Variants in CACNA2D3 observed in about 807,000 individuals in gnomAD.
CACNA2D3 encodes the protein voltage-dependent calcium channel subunit alpha-2/delta-3.
CACNA2D3 carries 60 observed loss-of-function variants against 160.6 expected under a neutral mutation model. The ratio of observed to expected loss-of-function variants is 0.37; its 90% confidence interval spans 0.30 to 0.46. The LOEUF (loss-of-function observed/expected upper bound fraction) is 0.46, where lower values mean the gene tolerates loss of function less well. CACNA2D3 is among the 20% of genes least tolerant of loss of function. The pLI is 1.00. For synonymous variants in CACNA2D3, 558 were observed against 492.9 expected (o/e 1.13, Z -1.75); for missense variants, 1,205 against 1,365.0 (o/e 0.88, Z 1.85).
intron 11 of CACNA2D3, among the ~76,000 whole-genome samples, chr3:54,675,016 A>AG (rs1700216039): frequency 1.3e-5 from 2 of 152,198 alleles, no homozygotes; most frequent in South Asian, 4.1e-4. Flanking sequence ...ATGAGTGATT[A>AG]GGCAGTCAGG....
intron 27 of CACNA2D3, among the ~76,000 whole-genome samples, chr3:54,920,641 C>CT (rs1168714003): frequency 1.3e-5 from 2 of 152,122 alleles, no homozygotes; most frequent in Non-Finnish European, 2.9e-5. Context: ...ATAGGAGCCT[C>CT]TGCCAGGAAG....
At chr3:54,790,609 T>G (rs2106645500) in intron 13 of CACNA2D3, among the ~76,000 whole-genome samples, 1 of 152,302 alleles carries the variant, frequency 6.6e-6, no homozygotes, top group South Asian at 2.1e-4. Flanking sequence ...GATGCCTGAT[T>G]ATGCCATTCA....
intron 33 of CACNA2D3, among the ~76,000 whole-genome samples, chr3:55,008,250 G>C (rs187674598): frequency 1.2e-3 from 176 of 152,298 alleles, no homozygotes; most frequent in African/African-American, 4.0e-3. Context: ...GAGATTGTCA[G>C]CTAGGGCTGG....
Position 54,392,840 on chromosome 3 carries a change from G to C in CACNA2D3, c.381+6066G>C, listed in dbSNP as rs567436982. 3.3e-5 allele frequency among the ~76,000 whole-genome samples: 5 copies of C among 152,294 alleles called. No individual in the cohort carries two copies. In the South Asian group the frequency reaches 1.0e-3, roughly 32 times the overall value. On this transcript the variant is annotated intron_variant, in intron 4 of 37. Transcript: ENST00000474759. ...GGCAGCTCAGGAGCCCCAGCACTCA[G>C]TGTAGAACTTCTTTCACCATCCACT...
intron 4 of CACNA2D3, among the ~76,000 whole-genome samples, chr3:54,449,361 C>G (rs1003217041): frequency 5.3e-5 from 8 of 152,182 alleles, no homozygotes; most frequent in African/African-American, 1.9e-4. Flanking sequence ...CAAGTTTACT[C>G]CATTTAAGAA....
At chr3:54,435,878 A>G (rs531916242) in intron 4 of CACNA2D3, among the ~76,000 whole-genome samples, 2 of 152,218 alleles carry the variant, frequency 1.3e-5, no homozygotes, top group African/African-American at 4.8e-5. Context: ...AGCCAAAAAC[A>G]GAAGTAATTT....
chr3:55,015,567 A>G (rs1310971532), intron 34 of CACNA2D3, among the ~76,000 whole-genome samples: 1 of 152,196 alleles, frequency 6.6e-6, no homozygotes, highest in Non-Finnish European at 1.5e-5. Flanking sequence ...TTAAATCTTT[A>G]TTTCATGTCA....
chr3:54,650,285 G>A (rs1426558269), intron 11 of CACNA2D3, among the ~76,000 whole-genome samples: 1 of 151,906 alleles, frequency 6.6e-6, no homozygotes, highest in African/African-American at 2.4e-5. Flanking sequence ...TGCAACCTCC[G>A]CCTCCCGGGT....
At chr3:54,320,283 A>G (rs1412566293) in intron 2 of CACNA2D3, among the ~76,000 whole-genome samples, 159 bp from the exon 3 acceptor site, 1 of 152,208 alleles carries the variant, frequency 6.6e-6, no homozygotes, top group Non-Finnish European at 1.5e-5. Flanking sequence ...TAGTTGGCTT[A>G]ATAATTTTGA....
At chr3:55,048,228 G>T (rs1704105651) in intron 35 of CACNA2D3, among the ~76,000 whole-genome samples, 1 of 139,752 alleles carries the variant, frequency 7.2e-6, no homozygotes, top group Non-Finnish European at 1.6e-5. Context: ...TATGATATTG[G>T]CTGTGGGTTT....
intron 11 of CACNA2D3, among the ~76,000 whole-genome samples, chr3:54,647,223 G>C (rs963431832): frequency 1.3e-5 from 2 of 152,114 alleles, no homozygotes. Context: ...AAAACTGTGA[G>C]ATAATAATAA....
chr3:54,642,103 A>G (rs750481543), intron 10 of CACNA2D3, 25 bp from the exon 11 acceptor site: 3 of 1,477,140 alleles, frequency 2.0e-6, no homozygotes, highest in East Asian at 2.3e-5. Context: ...TATGTATACT[A>G]TTTTGAACTT....
intron 6 of CACNA2D3, among the ~76,000 whole-genome samples, chr3:54,567,942 AGG>A (rs1702435498): frequency 6.6e-6 from 1 of 152,248 alleles, no homozygotes; most frequent in African/African-American, 2.4e-5. Context: ...TGGAGAGAAA[AGG>A]AGAACATGGA....
At position 54,838,512 on chromosome 3, in the gene CACNA2D3, A is replaced by T. The variant is rs968986136; in HGVS notation, c.1471-56A>T. On this transcript the variant is annotated intron_variant, in intron 15 of 37. Coordinates refer to ENST00000474759, the MANE Select transcript of CACNA2D3 (RefSeq NM_018398.3). ...GGTATGTGACTTCTCGTGAGATTCT[A>T]TTTCTTTTGCCAAGTTAACTTACTG... is the stretch of plus-strand genomic sequence containing the variant. 11 of 1,378,242 alleles carry T rather than the reference A, an allele frequency of 8.0e-6. No individual in the cohort carries two copies. In the South Asian group the frequency reaches 1.3e-4, roughly 16 times the overall value. The allele number at this position is 1,378,242 out of a possible 1,614,324, so 85.4% of individuals were successfully genotyped here.
intron 16 of CACNA2D3, among the ~76,000 whole-genome samples, chr3:54,840,278 T>A (rs149617610): frequency 2.0e-5 from 3 of 152,254 alleles, no homozygotes; most frequent in South Asian, 2.1e-4. Context: ...CAGAGCTCTT[T>A]ATGGCATTAT....
chr3:54,840,061 C>T (rs866238757), intron 16 of CACNA2D3, among the ~76,000 whole-genome samples: 1 of 152,104 alleles, frequency 6.6e-6, no homozygotes, highest in Non-Finnish European at 1.5e-5. Context: ...ACTGCTGGCT[C>T]AGTTTCAGAA....
At chr3:55,072,856 C>A (rs1704843179) in intron 35 of CACNA2D3, among the ~76,000 whole-genome samples, 1 of 152,196 alleles carries the variant, frequency 6.6e-6, no homozygotes, top group Non-Finnish European at 1.5e-5. Flanking sequence ...AGCCTTGGCT[C>A]TTTCTTATAG....
chr3:54,224,189 A>G (rs934103398), intron 2 of CACNA2D3, among the ~76,000 whole-genome samples: 5 of 152,120 alleles, frequency 3.3e-5, no homozygotes, highest in African/African-American at 1.2e-4. Context: ...CATGGGCAGT[A>G]ACACCTAGAG....
At chr3:54,616,894 C>G (rs1347626750) in intron 9 of CACNA2D3, among the ~76,000 whole-genome samples, 1 of 152,062 alleles carries the variant, frequency 6.6e-6, no homozygotes, top group African/African-American at 2.4e-5. Flanking sequence ...GACTCAGGGA[C>G]AAGGCTGGTG....
Sources: gnomAD v4.1 joint callset for allele counts (sites outside exome capture counted in the v4.1 genomes callset) on GRCh38, gnomAD v4.1.1 for gene constraint, MANE v1.5 for transcripts, NCBI Gene and HGNC (gene_info 2026-07-23, HGNC 2026-07-21) for gene names.